Variants in CACNA1E observed in about 807,000 individuals in gnomAD.
CACNA1E encodes the protein voltage-dependent R-type calcium channel subunit alpha-1E.
In CACNA1E, 40 loss-of-function variants were observed where a neutral mutation model predicts 259.2. That is an observed-to-expected ratio of 0.15 (90% confidence interval 0.12 to 0.20). The LOEUF is 0.20. Ranked by LOEUF, CACNA1E falls within the 10% of genes least tolerant of loss-of-function variation. The probability of loss-of-function intolerance (pLI) is 1.00; values close to 1 mark genes in which losing one functional copy is unlikely to be tolerated. For missense variants in CACNA1E, 1,874 were observed against 3,040.1 expected (o/e 0.62, Z 9.02); for synonymous variants, 1,104 against 1,138.5 (o/e 0.97, Z 0.61).
At chr1:181,661,896 G>C (rs1192615641) in intron 7 of CACNA1E, among the ~76,000 whole-genome samples, 2 of 152,188 alleles carry the variant, frequency 1.3e-5, no homozygotes, top group Non-Finnish European at 2.9e-5. Flanking sequence ...ATGCTTTTAA[G>C]CAGATCCTCC....
At chr1:181,644,009 C>T (rs1658038731) in intron 6 of CACNA1E, among the ~76,000 whole-genome samples, 1 of 152,192 alleles carries the variant, frequency 6.6e-6, no homozygotes, top group African/African-American at 2.4e-5. Flanking sequence ...GCTCAGCCTC[C>T]TGGCTGGGTG....
chr1:181,548,698 C>T (rs905015086), intron 3 of CACNA1E, among the ~76,000 whole-genome samples: 1 of 152,216 alleles, frequency 6.6e-6, no homozygotes, highest in African/African-American at 2.4e-5. Flanking sequence ...TGGCCAAACC[C>T]CAGACTGGGA....
At chr1:181,720,002 G>T in intron 13 of CACNA1E, 139 bp downstream of exon 13, 1 of 765,596 alleles carries the variant, frequency 1.3e-6, no homozygotes, top group Non-Finnish European at 2.1e-6. Context: ...CTATTCTTTA[G>T]CTCTTCCTTT....
chr1:181,410,964 C>G (rs1657800301), intron 1 of CACNA1E, among the ~76,000 whole-genome samples: 1 of 152,216 alleles, frequency 6.6e-6, no homozygotes, highest in Non-Finnish European at 1.5e-5. Context: ...CCCAGTACAG[C>G]TCCCAACACA....
chr1:181,526,467 G>A (rs1450669740), intron 3 of CACNA1E, among the ~76,000 whole-genome samples: 1 of 151,036 alleles, frequency 6.6e-6, no homozygotes, highest in African/African-American at 2.4e-5. Context: ...GTGAAAGGGT[G>A]TATCTGTTGG....
chr1:181,639,247 C>T (rs571756964), intron 6 of CACNA1E, among the ~76,000 whole-genome samples: 7 of 152,188 alleles, frequency 4.6e-5, no homozygotes, highest in Non-Finnish European at 7.4e-5. Flanking sequence ...GCCACCATGC[C>T]CGGCTAATTT....
Position 181,731,225 on chromosome 1 carries a change from G to A in CACNA1E, c.2291G>A (p.Ser764Asn). The A allele has an allele frequency of 6.2e-7, 1 of 1,613,104 alleles. No homozygotes were observed. Among genetic ancestry groups the A allele is most frequent in the Non-Finnish European group, 8.5e-7 (1 of 1,179,074 alleles). Residue 764 changes from serine (S) to asparagine (N), a missense_variant, in exon 19 of 48, where the codon AGC becomes AAC. Ser to Asn is a conservative substitution (Grantham distance 46). This residue lies in a region of CACNA1E where 476 missense variants were observed against 514.0 expected (regional missense o/e 0.93). Transcript: ENST00000367573. ...HHMSMWEPRSSHLRERRRRHH... is the reference protein window; with the variant it reads ...HHMSMWEPRSNHLRERRRRHH... ...ATGTCGATGTGGGAGCCACGCAGCA[G>A]CCACCTGTATGTGTGTACCAGTTTG... is the stretch of plus-strand genomic sequence containing the variant.
chr1:181,378,185 G>A (rs953320790), intron 1 of CACNA1E, among the ~76,000 whole-genome samples: 5 of 152,272 alleles, frequency 3.3e-5, no homozygotes, highest in Non-Finnish European at 5.9e-5. Flanking sequence ...TTGTGATATA[G>A]GTGTAATAAT....
rs985328341 is a variant in CACNA1E, at chr1:181,579,082, T to C, written c.627T>C (p.Ile209=). 1.2e-6 allele frequency: 2 copies of C among 1,609,722 alleles called. No homozygotes were observed. The highest frequency in any genetic ancestry group is 1.3e-5 in the African/African-American group (1 of 74,852). Residue 209 remains isoleucine (I), a synonymous_variant, in exon 5 of 48, where the codon ATT becomes ATC. Coordinates refer to ENST00000367573, the MANE Select transcript of CACNA1E (RefSeq NM_001205293.3). ...TGTCCTTCCTTCTAGGCCTGCAGAT[T>C]GTGTTGAAGTCCATCATGAAGGCCA... ...KLVSGIPSLQ[I]VLKSIMKAMV...
At chr1:181,447,512 C>T (rs12411161) in intron 2 of CACNA1E, among the ~76,000 whole-genome samples, 14,125 of 147,856 alleles carry the variant, frequency 0.096, 810 homozygotes, top group South Asian at 0.18. Context: ...ACTTGGGCAA[C>T]AGAGTGAGAC....
At chr1:181,610,681 C>T (rs751645741) in intron 6 of CACNA1E, among the ~76,000 whole-genome samples, 1 of 152,136 alleles carries the variant, frequency 6.6e-6, no homozygotes, top group East Asian at 1.9e-4. Context: ...TAGAGATGTC[C>T]TGAGGCTCAA....
chr1:181,715,433 C>T (rs1265640608), intron 9 of CACNA1E, 42 bp downstream of exon 9: 1 of 1,157,330 alleles, frequency 8.6e-7, no homozygotes, highest in East Asian at 2.4e-5. Context: ...TGCATTTGCC[C>T]CTCTTAGGCG....
At chr1:181,618,142 G>A (rs199964) in intron 6 of CACNA1E, among the ~76,000 whole-genome samples, 110,366 of 152,122 alleles carry the variant, frequency 0.73, 41,674 homozygotes, top group East Asian at 0.95. Flanking sequence ...GTCTGTATTT[G>A]TATGAATATG....
In CACNA1E at chr1:181,391,941, C is replaced by CTGTGTGTGTG. The variant is rs1168690866; in HGVS notation, c.-14-21191_-14-21190insGTGTGTGTGT. Among the ~76,000 whole-genome samples the CTGTGTGTGTG allele has an allele frequency of 1.5e-3, 181 of 116,868 alleles. 1 individual carries two copies. The highest frequency in any genetic ancestry group is 6.7e-3 in the African/African-American group (170 of 25,194). 76.7% of individuals were successfully genotyped at this position (116,868 alleles called of 152,430 possible). A position where few individuals can be genotyped will look rare whatever the true frequency, so the allele number is the denominator to read the frequency against. ...TCTCTCTCTGTCTCTCTCTCTCTCT[C>CTGTGTGTGTG]TCTCTGTGTGTGTGTGTGTGTGTGT... is the stretch of plus-strand genomic sequence containing the variant. On this transcript the variant is annotated intron_variant, in intron 1 of 11. Transcript: ENST00000524607.
At chr1:181,519,710 C>T (rs185535973) in intron 3 of CACNA1E, among the ~76,000 whole-genome samples, 18 of 152,196 alleles carry the variant, frequency 1.2e-4, no homozygotes, top group Admixed American at 7.8e-4. Flanking sequence ...TCTGTTGCAG[C>T]GATGCCTTAC....
intron 1 of CACNA1E, among the ~76,000 whole-genome samples, chr1:181,336,572 A>G (rs1180859809): frequency 6.6e-6 from 1 of 152,248 alleles, no homozygotes; most frequent in South Asian, 2.1e-4. Context: ...TAAAATATAT[A>G]TGACATAAAA....
intron 6 of CACNA1E, among the ~76,000 whole-genome samples, chr1:181,639,881 A>G (rs1042569016): frequency 1.3e-5 from 2 of 152,208 alleles, no homozygotes; most frequent in Non-Finnish European, 2.9e-5. Context: ...AGAGATGAGT[A>G]AAGAGAAGGG....
At chr1:181,560,235 T>C (rs558110030) in intron 3 of CACNA1E, among the ~76,000 whole-genome samples, 15 of 151,702 alleles carry the variant, frequency 9.9e-5, no homozygotes, top group African/African-American at 1.4e-4. Flanking sequence ...CTTTTTTTTT[T>C]AAGTTTTTTT....
chr1:181,783,874 C>A, intron 40 of CACNA1E, 90 bp downstream of exon 40: 1 of 832,558 alleles, frequency 1.2e-6, no homozygotes, highest in Non-Finnish European at 2.1e-6. Context: ...GAACTGTCAT[C>A]TATCCAGTTA....
Sources: gnomAD v4.1 joint callset for allele counts (sites outside exome capture counted in the v4.1 genomes callset) on GRCh38, gnomAD v4.1.1 for gene constraint, gnomAD v4.1.1 regional missense constraint, MANE v1.5 for transcripts, NCBI Gene and HGNC (gene_info 2026-07-23, HGNC 2026-07-21) for gene names.